DPH6: variants seen among roughly 807,000 people sequenced by gnomAD.
The protein encoded by DPH6 is diphthamine biosynthesis 6.
DPH6 carries 33 observed loss-of-function variants against 38.2 expected under a neutral mutation model. The observed-to-expected ratio is 0.86, with a 90% CI of 0.65 to 1.15. The LOEUF (loss-of-function observed/expected upper bound fraction) is 1.15. Ranked by LOEUF, DPH6 falls within the 50% of genes most tolerant of loss-of-function variation. The pLI is 0.00. For synonymous variants in DPH6, 108 were observed against 103.0 expected (o/e 1.05, Z -0.30); for missense variants, 325 against 320.0 (o/e 1.02, Z -0.12).
chr15:35,315,959 G>A (rs62004400), intron 3 of DPH6, among the ~76,000 whole-genome samples: 12,787 of 152,138 alleles, frequency 0.084, 609 homozygotes, highest in Middle Eastern at 0.17. Flanking sequence ...AGTAATGCAT[G>A]TTCATACTCA....
chr15:35,248,178 C>G (rs774745340), intron 3 of DPH6, among the ~76,000 whole-genome samples: 5 of 152,186 alleles, frequency 3.3e-5, no homozygotes, highest in Non-Finnish European at 7.3e-5. Flanking sequence ...TTCTGTCCTT[C>G]TCTTGCCCTC....
the DPH6 span, among the ~76,000 whole-genome samples, chr15:35,168,275 C>T: frequency 1.3e-5 from 2 of 151,870 alleles, no homozygotes; most frequent in Non-Finnish European, 2.9e-5. Flanking sequence ...AGAAACTGGC[C>T]TATATTTTAT....
chr15:35,379,142 G>A (rs1055678047), intron 7 of DPH6, among the ~76,000 whole-genome samples: 3 of 152,172 alleles, frequency 2.0e-5, no homozygotes, highest in South Asian at 2.1e-4. Flanking sequence ...GTTACATCCC[G>A]TTCTCTGACT....
At chr15:35,500,078 T>C (rs1295861769) in intron 3 of DPH6, among the ~76,000 whole-genome samples, 1 of 152,204 alleles carries the variant, frequency 6.6e-6, no homozygotes, top group Non-Finnish European at 1.5e-5. Context: ...TTTACTCCTA[T>C]CATGAATGAG....
At chr15:35,280,074 C>A (rs1408245045) in intron 3 of DPH6, among the ~76,000 whole-genome samples, 2 of 152,158 alleles carry the variant, frequency 1.3e-5, no homozygotes. Context: ...TCCCAGCCTC[C>A]AGAACTGTGA....
intron 6 of DPH6, among the ~76,000 whole-genome samples, chr15:35,406,489 G>T (rs558757437): frequency 5.9e-5 from 9 of 152,084 alleles, no homozygotes; most frequent in African/African-American, 2.2e-4. Context: ...TGACTGACAA[G>T]GGGCAAGACA....
intron 3 of DPH6, among the ~76,000 whole-genome samples, chr15:35,353,821 T>G (rs1342569668): frequency 6.6e-6 from 1 of 152,170 alleles, no homozygotes. Flanking sequence ...GTGAAGAAAG[T>G]CATTGGTAGC....
chr15:35,520,243 A>C, intron 3 of DPH6: 1 of 866,148 alleles, frequency 1.2e-6, no homozygotes, highest in Non-Finnish European at 1.4e-6. Flanking sequence ...AAAAAAAACA[A>C]AAGAAGAAGA....
chr15:35,379,057 T>C (rs2052825242), intron 7 of DPH6, among the ~76,000 whole-genome samples: 1 of 152,182 alleles, frequency 6.6e-6, no homozygotes, highest in Admixed American at 6.5e-5. Context: ...AATCTGTTCC[T>C]TGCTTTTTCT....
chr15:35,301,539 T>C (rs2052054493), intron 3 of DPH6, among the ~76,000 whole-genome samples: 2 of 152,372 alleles, frequency 1.3e-5, no homozygotes, highest in Admixed American at 6.5e-5. Flanking sequence ...TTCAATTAAA[T>C]TTGTGGTACA....
chr15:35,172,759 A>G, the DPH6 span, among the ~76,000 whole-genome samples: 1 of 152,116 alleles, frequency 6.6e-6, no homozygotes, highest in Admixed American at 6.6e-5. Context: ...AGGCACAATC[A>G]TAGTGCACTG....
At chr15:35,484,048 A>G (rs1178209211) in intron 3 of DPH6, among the ~76,000 whole-genome samples, 1 of 152,194 alleles carries the variant, frequency 6.6e-6, no homozygotes, top group African/African-American at 2.4e-5. Context: ...GAGTGACTGC[A>G]AATTGGCAAT....
At chr15:35,354,823 T>C (rs536733869) in intron 3 of DPH6, among the ~76,000 whole-genome samples, 11 of 152,036 alleles carry the variant, frequency 7.2e-5, no homozygotes, top group African/African-American at 2.6e-4. Context: ...ATTTCCTAAC[T>C]TATTCCTGGA....
Position 35,273,142 on chromosome 15 carries a change from TA to T in DPH6, n.201-52561del, listed in dbSNP as rs112369379. Among the ~76,000 whole-genome samples, 789 of 147,770 alleles carry T rather than the reference TA, an allele frequency of 5.3e-3. 5 individuals carry two copies. Among genetic ancestry groups the T allele is most frequent in the African/African-American group, 0.017 (683 of 40,498 alleles). ...ACAGCCTAAGGTATTTCTTTAAAATTAAAAAAAAAAAATTTAATTTCCATAG... is the reference window on the plus strand; with the variant it reads ...ACAGCCTAAGGTATTTCTTTAAAATTAAAAAAAAAAATTTAATTTCCATAG... On this transcript the variant is annotated intron_variant and non_coding_transcript_variant, in intron 3 of 3. Transcript: ENST00000560386.
downstream of DPH6, among the ~76,000 whole-genome samples, chr15:35,326,252 A>G (rs2052281354): frequency 6.6e-6 from 1 of 152,078 alleles, no homozygotes; most frequent in Non-Finnish European, 1.5e-5. Flanking sequence ...ACATATTATC[A>G]TTTTTCTTGA....
chr15:35,189,048 G>A, the DPH6 span, among the ~76,000 whole-genome samples: 1 of 152,172 alleles, frequency 6.6e-6, no homozygotes, highest in Non-Finnish European at 1.5e-5. Context: ...TGAATAGGAA[G>A]TGAACGGTGA....
intron 3 of DPH6, among the ~76,000 whole-genome samples, chr15:35,317,590 C>CAA (rs79613862): frequency 4.1e-5 from 3 of 73,790 alleles, no homozygotes; most frequent in Non-Finnish European, 6.5e-5. Flanking sequence ...TTCTGCTGGA[C>CAA]AAAAAAAAAA....
intron 3 of DPH6, among the ~76,000 whole-genome samples, chr15:35,525,868 T>C (rs1047853281): frequency 3.3e-5 from 5 of 152,028 alleles, no homozygotes; most frequent in African/African-American, 1.2e-4. Context: ...CCCAGAAAAA[T>C]TTACACCTAC....
intron 3 of DPH6, among the ~76,000 whole-genome samples, chr15:35,466,871 T>C (rs2054132731): frequency 6.6e-6 from 1 of 152,246 alleles, no homozygotes; most frequent in East Asian, 1.9e-4. Context: ...AAAAATACAA[T>C]TAAAAAGATA....
Sources: allele counts gnomAD v4.1 joint callset (sites outside exome capture counted in the v4.1 genomes callset), GRCh38; gene constraint gnomAD v4.1.1; transcripts MANE v1.5; gene names NCBI Gene and HGNC (gene_info 2026-07-23, HGNC 2026-07-21).